The following MAPK10 variants were observed in gnomAD, a reference collection of about 807,000 sequenced individuals.
MAPK10 encodes mitogen-activated protein kinase 10.
A neutral mutation model predicts 59.3 loss-of-function variants in MAPK10; 25 were observed. The observed-to-expected ratio is 0.42, with a 90% CI of 0.31 to 0.59. The LOEUF is 0.59. Among genes scored for constraint, MAPK10 ranks in the 20% least tolerant of loss-of-function variants. The pLI, the probability that MAPK10 is intolerant of heterozygous loss-of-function variation, is 0.15. For missense variants in MAPK10, 351 were observed against 568.9 expected, an observed-to-expected ratio of 0.62 and a Z score of 3.90; for synonymous variants, 190 against 200.5, an observed-to-expected ratio of 0.95 and a Z score of 0.44.
In MAPK10 at chr4:86,070,348, C is replaced by CT. The variant is rs894340170; in HGVS notation, c.803-2394dup. Among the ~76,000 whole-genome samples the CT allele has an allele frequency of 5.5e-3, 755 of 136,492 alleles. 1 individual carries two copies. Among genetic ancestry groups the CT allele is most frequent in the Middle Eastern group, 7.7e-3 (2 of 260 alleles). The allele number at this position is 136,492 out of a possible 152,430, so 89.5% of individuals were successfully genotyped here. ...TTAGTTGAGCACATGATTTTTCTTT[C>CT]TTTTTTTTTTTGTAGCACTTGAAGG... On this transcript the variant is annotated intron_variant, in intron 9 of 13. Transcript: ENST00000641462.
At chr4:86,372,564 G>GAAAGAAAGAAAGAAAGAAAAAGAAAAGA in intron 1 of MAPK10, among the ~76,000 whole-genome samples, 14 of 78,716 alleles carry the variant, frequency 1.8e-4, no homozygotes, top group Admixed American at 2.7e-4. Context: ...AAGAAAGAAA[G>GAAAGAAAGAAAGAAAGAAAAAGAAAAGA]AAAGAAAAGA....
At chr4:86,377,300 T>C (rs1198480359) in intron 1 of MAPK10, among the ~76,000 whole-genome samples, 1 of 152,204 alleles carries the variant, frequency 6.6e-6, no homozygotes, top group Non-Finnish European at 1.5e-5. Context: ...AGTACAGCTC[T>C]ACTGCCCAAC....
intron 9 of MAPK10, among the ~76,000 whole-genome samples, chr4:86,071,112 T>C (rs971184414): frequency 1.3e-5 from 2 of 151,702 alleles, no homozygotes; most frequent in African/African-American, 2.4e-5. Flanking sequence ...TATCTCATAG[T>C]GGTTTTGATT....
intron 4 of MAPK10, among the ~76,000 whole-genome samples, chr4:86,140,667 AAAACTT>A (rs1469431768): frequency 1.3e-5 from 2 of 151,708 alleles, no homozygotes; most frequent in Non-Finnish European, 2.9e-5. Flanking sequence ...CATGTACCCT[AAAACTT>A]AAAGTATAAT....
At chr4:86,091,343 T>A (rs2053101989) in intron 9 of MAPK10, 1 of 151,690 alleles carries the variant, frequency 6.6e-6, no homozygotes, top group Non-Finnish European at 1.5e-5. Context: ...ATTTTATTGT[T>A]GAAACCACTT....
intron 2 of MAPK10, among the ~76,000 whole-genome samples, chr4:86,203,839 T>C (rs1458535984): frequency 6.6e-6 from 1 of 151,524 alleles, no homozygotes; most frequent in Non-Finnish European, 1.5e-5. Flanking sequence ...TAATTATCTT[T>C]TCAGGGGCTG....
At chr4:86,255,090 GA>G (rs10711609) in intron 2 of MAPK10, among the ~76,000 whole-genome samples, 27,227 of 151,428 alleles carry the variant, frequency 0.18, 2,750 homozygotes, top group African/African-American at 0.27. Flanking sequence ...TTTAATAAAA[GA>G]AAAAAAGAAA....
intron 1 of MAPK10, among the ~76,000 whole-genome samples, chr4:86,581,561 C>T (rs1762264237): frequency 6.6e-6 from 1 of 151,790 alleles, no homozygotes; most frequent in Non-Finnish European, 1.5e-5. Context: ...TGTCAAAATG[C>T]AATCGATGAT....
rs148945342 is a variant in MAPK10, at chr4:86,292,587, T to C, written c.-7+61943A>G. The stretch of plus-strand genomic sequence containing the variant: ...AAAATAAAAAATTAACTGGGCGTGA[T>C]GGTGTCTGCCTGTAGTCCTAACTAC... On this transcript the variant is annotated intron_variant, in intron 2 of 13. Coordinates refer to ENST00000641462, the MANE Select transcript of MAPK10 (RefSeq NM_138982.4). Among the ~76,000 whole-genome samples, 557 of 152,216 alleles carry C rather than the reference T, an allele frequency of 3.7e-3. 7 individuals carry two copies. The highest frequency in any genetic ancestry group is 0.027 in the Admixed American group (409 of 15,270).
intron 1 of MAPK10, among the ~76,000 whole-genome samples, chr4:86,561,005 A>G (rs116518053): frequency 0.047 from 7,120 of 152,334 alleles, 216 homozygotes; most frequent in African/African-American, 0.059. Context: ...TTTTGGCACC[A>G]GGGACCAGTT....
intron 13 of MAPK10, among the ~76,000 whole-genome samples, chr4:86,021,056 G>A (rs1746439048): frequency 6.6e-6 from 1 of 152,074 alleles, no homozygotes; most frequent in Admixed American, 6.5e-5. Context: ...TAGATACAAA[G>A]GTTCTCCACG....
At chr4:86,366,932 TA>T (rs1212097823) in intron 1 of MAPK10, among the ~76,000 whole-genome samples, 1 of 152,106 alleles carries the variant, frequency 6.6e-6, no homozygotes, top group Non-Finnish European at 1.5e-5. Context: ...TTCTAACACT[TA>T]AAGTCCTACA....
At chr4:86,421,281 T>C (rs1034181690) in intron 1 of MAPK10, among the ~76,000 whole-genome samples, 1 of 152,174 alleles carries the variant, frequency 6.6e-6, no homozygotes, top group African/African-American at 2.4e-5. Context: ...TTGATTATAT[T>C]GCTTTGGATT....
chr4:86,199,829 A>C (rs182960538), intron 2 of MAPK10, among the ~76,000 whole-genome samples: 11 of 152,148 alleles, frequency 7.2e-5, no homozygotes, highest in Admixed American at 5.9e-4. Context: ...ATGGATGTGT[A>C]TGCACGTTTG....
At chr4:86,224,344 C>A (rs1408045947) in intron 2 of MAPK10, among the ~76,000 whole-genome samples, 1 of 152,104 alleles carries the variant, frequency 6.6e-6, no homozygotes, top group African/African-American at 2.4e-5. Context: ...ATGAACCTAT[C>A]AGTTCTAATG....
At chr4:86,028,366 T>C (rs981056184) in intron 13 of MAPK10, 3 of 152,066 alleles carry the variant, frequency 2.0e-5, no homozygotes, top group East Asian at 1.9e-4. Flanking sequence ...TTGGGTATCA[T>C]AGTGGTTTGG....
At chr4:86,183,348 T>C (rs1471936702) in intron 3 of MAPK10, among the ~76,000 whole-genome samples, 1 of 148,818 alleles carries the variant, frequency 6.7e-6, no homozygotes, top group East Asian at 2.0e-4. Context: ...GTACATGTGT[T>C]CTCATTGTTC....
chr4:86,521,515 G>C (rs934842482), intron 1 of MAPK10, among the ~76,000 whole-genome samples: 1 of 152,156 alleles, frequency 6.6e-6, no homozygotes, highest in South Asian at 2.1e-4. Flanking sequence ...AGGCCAATGG[G>C]GTTATGTTCC....
chr4:86,133,761 T>C (rs2061420967), intron 4 of MAPK10, among the ~76,000 whole-genome samples: 1 of 152,212 alleles, frequency 6.6e-6, no homozygotes, highest in Admixed American at 6.5e-5. Flanking sequence ...CAGTCCTTAC[T>C]GACCATGTGG....
Sources: gnomAD v4.1 joint callset for allele counts (sites outside exome capture counted in the v4.1 genomes callset) on GRCh38, gnomAD v4.1.1 for gene constraint, MANE v1.5 for transcripts, NCBI Gene and HGNC (gene_info 2026-07-23, HGNC 2026-07-21) for gene names.